AEBP2: variants seen among roughly 807,000 people sequenced by gnomAD.
AEBP2 encodes AE binding protein 2, also known as zinc finger protein AEBP2.
Under a neutral mutation model 50.8 loss-of-function variants are expected in AEBP2, and 10 were observed. That is an observed-to-expected ratio of 0.20 (90% CI 0.12 to 0.33). AEBP2 has a LOEUF of 0.33. Ranked by LOEUF, AEBP2 falls within the 10% of genes least tolerant of loss-of-function variation. The pLI is 1.00. For synonymous variants in AEBP2, 296 were observed against 261.3 expected (o/e 1.13, Z -1.28); for missense variants, 570 against 688.0 (o/e 0.83, Z 1.92).
intron 3 of AEBP2, among the ~76,000 whole-genome samples, chr12:19,487,345 TC>T (rs1422369647): frequency 6.6e-6 from 1 of 152,170 alleles, no homozygotes; most frequent in African/African-American, 2.4e-5. Context: ...TTACTGTAGT[TC>T]AGTGATTATT....
At chr12:19,463,794 T>C (rs936848066) in intron 2 of AEBP2, among the ~76,000 whole-genome samples, 1 of 149,842 alleles carries the variant, frequency 6.7e-6, no homozygotes, top group African/African-American at 2.5e-5. Context: ...GCCTCCCGAG[T>C]AGCTGGGATT....
intron 1 of AEBP2, chr12:19,440,713 AC>A: frequency 6.5e-7 from 1 of 1,533,398 alleles, no homozygotes. Context: ...TGATGTACAC[AC>A]GTCGGTACTC....
chr12:19,440,751 G>A (rs1164472386), intron 1 of AEBP2: 3 of 1,533,386 alleles, frequency 2.0e-6, no homozygotes, highest in Admixed American at 2.0e-5. Context: ...AACCGTGTTC[G>A]GGAACACTTG....
At position 19,514,455 on chromosome 12, in the gene AEBP2, C is replaced by T. The variant is rs139495205; in HGVS notation, c.1368-216C>T. On this transcript the variant is annotated intron_variant, in intron 6 of 7. Coordinates refer to ENST00000266508, the MANE Select transcript of AEBP2 (RefSeq NM_153207.5). ...GCCACTGAAAATGTTTAATTTATTC[C>T]TCAATTCATGTTTAAAATTTAACAC... Among the ~76,000 whole-genome samples, 18 of 152,164 alleles carry T rather than the reference C, an allele frequency of 1.2e-4. No individual in the cohort carries two copies. In the East Asian group the frequency reaches 3.5e-3, roughly 29 times the overall value.
chr12:19,415,402 T>A (rs1193533133), intron 1 of AEBP2, among the ~76,000 whole-genome samples: 7 of 132,884 alleles, frequency 5.3e-5, no homozygotes, highest in Non-Finnish European at 1.1e-4. Flanking sequence ...GTGCACAGTC[T>A]AGGGGTGGTG....
chr12:19,456,837 C>T (rs1039284470), intron 1 of AEBP2: 32 of 1,541,560 alleles, frequency 2.1e-5, no homozygotes, highest in Non-Finnish European at 2.6e-5. Flanking sequence ...AGTCTCCACT[C>T]GGCCAACAGG....
chr12:19,514,199 C>T (rs1159504222), intron 6 of AEBP2, among the ~76,000 whole-genome samples: 2 of 151,972 alleles, frequency 1.3e-5, no homozygotes, highest in Admixed American at 6.6e-5. Context: ...GGGGTTTCAC[C>T]ATGTTGGCCA....
intron 1 of AEBP2, 162 bp downstream of exon 1, chr12:19,440,532 C>T (rs1592715294): frequency 1.5e-6 from 2 of 1,378,982 alleles, no homozygotes; most frequent in Non-Finnish European, 1.9e-6. Flanking sequence ...CGCCGCCGCG[C>T]CCCTCTCGCA....
At chr12:19,467,916 G>A (rs1948506789) in intron 2 of AEBP2, among the ~76,000 whole-genome samples, 1 of 151,898 alleles carries the variant, frequency 6.6e-6, no homozygotes, top group Non-Finnish European at 1.5e-5. Context: ...GGGCAAGGGA[G>A]GAATATGGTA....
intron 1 of AEBP2, chr12:19,456,977 C>T: frequency 1.3e-6 from 2 of 1,576,048 alleles, no homozygotes; most frequent in Non-Finnish European, 1.7e-6. Flanking sequence ...GTATTGCCAT[C>T]CTTACAGGAG....
Position 19,519,007 on chromosome 12 carries a change from G to C in AEBP2, c.*890G>C. Reference sequence around the variant, plus strand: ...GTTTTTTCTTAATGTAAGAAAAATTGTATTTTTTTTACAAGTATCTTCAAA... The same window carrying C: ...GTTTTTTCTTAATGTAAGAAAAATTCTATTTTTTTTACAAGTATCTTCAAA... On this transcript the variant is annotated 3_prime_UTR_variant, in exon 8 of 8. Coordinates refer to ENST00000266508, the MANE Select transcript of AEBP2 (RefSeq NM_153207.5). 5.0e-6 allele frequency: 1 copy of C among 199,670 alleles called. No homozygotes were observed. Among genetic ancestry groups the C allele is most frequent in the Non-Finnish European group, 1.0e-5 (1 of 99,618 alleles). The allele number at this position is 199,670 out of a possible 1,614,324, so 12.4% of individuals were successfully genotyped here.
chr12:19,504,470 G>C (rs1288385022), intron 5 of AEBP2, among the ~76,000 whole-genome samples: 1 of 151,822 alleles, frequency 6.6e-6, no homozygotes, highest in Non-Finnish European at 1.5e-5. Context: ...TCGATCTCCT[G>C]ACCTTGTGAT....
rs751550689 is a variant in AEBP2, at chr12:19,423,064, CAAAAAAAAAAAAA to C, written c.-17+18866_-17+18878del. On this transcript the variant is annotated intron_variant, in intron 1 of 3. Transcript: ENST00000538425. ...TGGGTGACAGAGTGAGACTCTGTCT[CAAAAAAAAAAAAA>C]AAAAAAAAAAAAAAAAAGAACATCT... Among the ~76,000 whole-genome samples, 11 of 35,048 alleles carry C rather than the reference CAAAAAAAAAAAAA, an allele frequency of 3.1e-4. 1 individual carries two copies. The highest frequency in any genetic ancestry group is 2.5e-3 in the South Asian group (1 of 402). The allele number at this position is 35,048 out of a possible 152,430, so 23.0% of individuals were successfully genotyped here.
chr12:19,455,717 A>G (rs1948258422), intron 1 of AEBP2, among the ~76,000 whole-genome samples: 1 of 152,218 alleles, frequency 6.6e-6, no homozygotes, highest in African/African-American at 2.4e-5. Flanking sequence ...TGGGTGGAAA[A>G]CTGGTCTGCT....
chr12:19,499,643 ATAT>A (rs1352920698), intron 4 of AEBP2, among the ~76,000 whole-genome samples: 3 of 151,984 alleles, frequency 2.0e-5, no homozygotes, highest in East Asian at 1.9e-4. Context: ...CCTCAAAATA[ATAT>A]TATTGTATTG....
intron 1 of AEBP2, among the ~76,000 whole-genome samples, chr12:19,423,042 G>T (rs1242798572): frequency 1.7e-5 from 2 of 116,672 alleles, no homozygotes; most frequent in Admixed American, 1.1e-4. Flanking sequence ...TCCAGGCTGG[G>T]TGACAGAGTG....
chr12:19,483,410 C>A (rs796779940), intron 3 of AEBP2, among the ~76,000 whole-genome samples: 9 of 152,296 alleles, frequency 5.9e-5, no homozygotes, highest in African/African-American at 2.2e-4. Context: ...CTCTCTCTTA[C>A]ACTTTGGGAA....
intron 1 of AEBP2, among the ~76,000 whole-genome samples, chr12:19,454,964 T>A (rs1000452988): frequency 3.9e-5 from 6 of 151,940 alleles, no homozygotes; most frequent in Non-Finnish European, 7.4e-5. Context: ...ATTCTTTTGA[T>A]CTGTTTTAGG....
At chr12:19,511,751 C>A (rs1354105941) in intron 5 of AEBP2, among the ~76,000 whole-genome samples, 2 of 151,760 alleles carry the variant, frequency 1.3e-5, no homozygotes, top group African/African-American at 4.8e-5. Context: ...CGAAGGTGTT[C>A]ACTGTAACAC....
Sources: gnomAD v4.1 joint callset for allele counts (sites outside exome capture counted in the v4.1 genomes callset) on GRCh38, gnomAD v4.1.1 for gene constraint, MANE v1.5 for transcripts, NCBI Gene and HGNC (gene_info 2026-07-23, HGNC 2026-07-21) for gene names.